The following TERF2 variants were observed in gnomAD, a reference collection of about 807,000 sequenced individuals.
TERF2 encodes telomeric repeat-binding factor 2.
TERF2 carries 16 observed loss-of-function variants against 56.1 expected under a neutral mutation model. The observed-to-expected ratio is 0.29, with a 90% CI of 0.19 to 0.43. TERF2 has a LOEUF of 0.43. TERF2 is among the 20% of genes least tolerant of loss of function. The probability of loss-of-function intolerance (pLI) is 1.00; values close to 1 mark genes in which losing one functional copy is unlikely to be tolerated. For missense variants in TERF2, 547 were observed against 712.9 expected (o/e 0.77, Z 2.65); for synonymous variants, 296 against 282.1 (o/e 1.05, Z -0.50).
At chr16:69,357,922 C>T (rs560320571) in intron 8 of TERF2, among the ~76,000 whole-genome samples, 2 of 149,960 alleles carry the variant, frequency 1.3e-5, no homozygotes, top group South Asian at 4.2e-4. Flanking sequence ...TATCTCGGCT[C>T]ACTGCAAGCT....
At chr16:69,385,072 T>C (rs2142776814) in intron 2 of TERF2, among the ~76,000 whole-genome samples, 1 of 152,212 alleles carries the variant, frequency 6.6e-6, no homozygotes, top group South Asian at 2.1e-4. Context: ...TCAGAGTACT[T>C]CCACTCTGAA....
At position 69,366,908 on chromosome 16, in the gene TERF2, A is replaced by G. The variant is rs1014451032; in HGVS notation, c.1239T>C (p.Thr413=). The change falls in exon 7 of 10, where the codon ACT becomes ACC. Residue 413 remains threonine (T), a synonymous_variant. Coordinates refer to ENST00000254942, the MANE Select transcript of TERF2 (RefSeq NM_005652.5). ...AGGAGTTGAGGCCTGCGCTGGGCTC[A>G]GTACTCTGGCTGTCCTCCTCCAAGA... ...RLVLEEDSQS[T]EPSAGLNSSQ... The G allele has an allele frequency of 8.1e-6, 13 of 1,614,102 alleles. No homozygotes were observed. Among genetic ancestry groups the G allele is most frequent in the Non-Finnish European group, 1.1e-5 (13 of 1,180,036 alleles).
At chr16:69,370,652 C>T (rs1567449671) in intron 4 of TERF2, 23 bp from the exon 5 acceptor site, 1 of 1,581,668 alleles carries the variant, frequency 6.3e-7, no homozygotes, top group Middle Eastern at 2.0e-4. Context: ...CCGATATTTG[C>T]AACATGAGAA....
intron 3 of TERF2, among the ~76,000 whole-genome samples, chr16:69,377,567 C>T (rs1171842716): frequency 6.6e-6 from 1 of 152,140 alleles, no homozygotes; most frequent in East Asian, 1.9e-4. Context: ...ACCTCATAAT[C>T]CGCCTGCCTC....
chr16:69,362,002 A>G (rs907561151), intron 7 of TERF2, among the ~76,000 whole-genome samples: 3 of 148,596 alleles, frequency 2.0e-5, no homozygotes, highest in African/African-American at 7.4e-5. Flanking sequence ...TGATTTTAGG[A>G]CAATCACCCT....
intron 3 of TERF2, among the ~76,000 whole-genome samples, chr16:69,378,526 C>T (rs1324419045): frequency 6.6e-6 from 1 of 152,184 alleles, no homozygotes; most frequent in African/African-American, 2.4e-5. Flanking sequence ...TTCCTTGCTC[C>T]TCAGACCAGA....
At chr16:69,358,927 A>G (rs1181844615) in intron 8 of TERF2, among the ~76,000 whole-genome samples, 2 of 152,172 alleles carry the variant, frequency 1.3e-5, no homozygotes, top group Non-Finnish European at 2.9e-5. Context: ...GGTGTAGCCT[A>G]TTTTTCCGCT....
At chr16:69,380,550 T>C (rs2013957550) in intron 3 of TERF2, among the ~76,000 whole-genome samples, 4 of 150,450 alleles carry the variant, frequency 2.7e-5, no homozygotes, top group Admixed American at 2.7e-4. Flanking sequence ...AACAGCTACT[T>C]GGGAGGCTGA....
intron 3 of TERF2, among the ~76,000 whole-genome samples, chr16:69,372,965 ATTC>A (rs1472226929): frequency 2.6e-5 from 4 of 152,160 alleles, no homozygotes; most frequent in Non-Finnish European, 5.9e-5. Context: ...GACAGGAGTC[ATTC>A]TACGTCCTGT....
intron 7 of TERF2, among the ~76,000 whole-genome samples, chr16:69,364,580 C>T (rs1047882268): frequency 2.0e-5 from 3 of 151,912 alleles, no homozygotes; most frequent in South Asian, 4.2e-4. Flanking sequence ...TCCTATGCAC[C>T]GTATTCTCCT....
chr16:69,384,722 C>CA lies in TERF2; in HGVS notation c.476-13dup, dbSNP rs1491303431. On this transcript the variant is annotated splice_polypyrimidine_tract_variant and intron_variant, in intron 2 of 9. Transcript: ENST00000254942. ...ATCAAAGGAACAGTCTAGGACAAAG[C>CA]ACAGTTTTCATTTTTAAGCTCTTTT... 6.4e-7 allele frequency: 1 copy of CA among 1,572,602 alleles called. No homozygotes were observed. Among genetic ancestry groups the CA allele is most frequent in the African/African-American group, 1.4e-5 (1 of 73,234 alleles).
chr16:69,366,503 A>C, intron 7 of TERF2: 1 of 352,102 alleles, frequency 2.8e-6, no homozygotes, highest in Non-Finnish European at 5.2e-6. Context: ...CACAAGACTA[A>C]TGTTTAGAAG....
intron 7 of TERF2, chr16:69,366,177 A>C (rs1255225872): frequency 6.6e-6 from 1 of 152,310 alleles, no homozygotes; most frequent in Non-Finnish European, 1.5e-5. Context: ...GAATGAGAGG[A>C]AGCAAAAGTA....
intron 7 of TERF2, among the ~76,000 whole-genome samples, chr16:69,363,620 C>A (rs1009182549): frequency 1.9e-4 from 29 of 152,218 alleles, no homozygotes; most frequent in African/African-American, 6.3e-4. Context: ...GCTTGTGTAC[C>A]ATGAAGCTTG....
intron 8 of TERF2, 23 bp downstream of exon 8, chr16:69,361,381 G>A: frequency 6.4e-7 from 1 of 1,553,188 alleles, no homozygotes; most frequent in Non-Finnish European, 8.9e-7. Context: ...TCAAGAAGAG[G>A]CCAAGGAGAA....
chr16:69,372,743 C>T (rs992680169), intron 3 of TERF2, among the ~76,000 whole-genome samples: 2 of 152,116 alleles, frequency 1.3e-5, no homozygotes, highest in African/African-American at 4.8e-5. Flanking sequence ...GCCTGGGCAA[C>T]AAGAGCCAAA....
chr16:69,364,652 G>A (rs966881802), intron 7 of TERF2, among the ~76,000 whole-genome samples: 2 of 152,014 alleles, frequency 1.3e-5, no homozygotes, highest in Non-Finnish European at 2.9e-5. Context: ...TATGTAAGGA[G>A]CTCCCACTGC....
intron 3 of TERF2, among the ~76,000 whole-genome samples, chr16:69,376,516 CAT>C (rs2013789498): frequency 1.3e-5 from 2 of 151,638 alleles, no homozygotes; most frequent in African/African-American, 2.4e-5. Flanking sequence ...TTTGCTTTTC[CAT>C]ATGTTTTAGA....
chr16:69,384,742 T>G (rs2014126804), intron 2 of TERF2, 32 bp from the exon 3 acceptor site: 2 of 1,560,282 alleles, frequency 1.3e-6, no homozygotes. Flanking sequence ...ATTTTTAAGC[T>G]CTTTTCTAAG....
Sources: gnomAD v4.1 joint callset for allele counts (sites outside exome capture counted in the v4.1 genomes callset) on GRCh38, gnomAD v4.1.1 for gene constraint, MANE v1.5 for transcripts, NCBI Gene and HGNC (gene_info 2026-07-23, HGNC 2026-07-21) for gene names.